The following ADGRE1 variants were observed in gnomAD, a reference collection of about 807,000 sequenced individuals.
ADGRE1 encodes EGF-like module receptor 1.
Under a neutral mutation model 102.7 loss-of-function variants are expected in ADGRE1, and 82 were observed. The observed-to-expected ratio is 0.80, with a 90% CI of 0.67 to 0.96. The LOEUF (loss-of-function observed/expected upper bound fraction) is 0.96, where lower values mean the gene tolerates loss of function less well. Ranked by LOEUF, ADGRE1 falls within the 40% of genes least tolerant of loss-of-function variation. The probability of loss-of-function intolerance (pLI) is 0.00; values close to 1 mark genes in which losing one functional copy is unlikely to be tolerated. For synonymous variants in ADGRE1, 398 were observed against 399.6 expected (o/e 1.00, Z 0.05); for missense variants, 1,032 against 1,085.3 (o/e 0.95, Z 0.69).
intron 5 of ADGRE1, chr19:6,898,315 G>T (rs1973644080): frequency 5.0e-6 from 8 of 1,597,202 alleles, no homozygotes; most frequent in Non-Finnish European, 4.3e-6. Context: ...AGATATTGAT[G>T]AATGTTCTCA....
In ADGRE1 at chr19:6,921,828, G is replaced by T. The variant is rs772827056; in HGVS notation, c.1736G>T (p.Cys579Phe). ...ILEASETYTI[C>F]SCNQMANLAV... ...GAAGCTTCTGAGACATATACCATCT[G>T]CAGCTGTAATCAGATGGCAAATCTT... is the stretch of plus-strand genomic sequence containing the variant. Residue 579 changes from cysteine (C) to phenylalanine (F), a missense_variant, in exon 14 of 21, where the codon TGC becomes TTC. By Grantham distance (205) the Cys-to-Phe change is radical. Coordinates refer to ENST00000312053, the MANE Select transcript of ADGRE1 (RefSeq NM_001974.5). 4 of 1,614,150 alleles carry T rather than the reference G, an allele frequency of 2.5e-6. No homozygotes were observed. In the African/African-American group the frequency reaches 4.0e-5, roughly 16 times the overall value.
intron 10 of ADGRE1, among the ~76,000 whole-genome samples, chr19:6,911,500 G>A (rs1974181599): frequency 1.4e-5 from 2 of 138,278 alleles, no homozygotes; most frequent in Non-Finnish European, 3.1e-5. Flanking sequence ...TGTTGTTATT[G>A]TTTTTCTTAC....
Position 6,920,564 on chromosome 19 carries a change from C to T in ADGRE1, c.1620+817C>T, listed in dbSNP as rs1974621054. Among the ~76,000 whole-genome samples, 4 of 103,016 alleles carry T rather than the reference C, an allele frequency of 3.9e-5. No homozygotes were observed. The South Asian group carries it at 1.4e-3, about 37-fold the overall frequency. The allele number at this position is 103,016 out of a possible 152,430, so 67.6% of individuals were successfully genotyped here. A position where few individuals can be genotyped will look rare whatever the true frequency, so the allele number is the denominator to read the frequency against. On this transcript the variant is annotated intron_variant, in intron 13 of 20. Coordinates refer to ENST00000312053, the MANE Select transcript of ADGRE1 (RefSeq NM_001974.5). Reference sequence around the variant, plus strand: ...TTGAGATGGAGTTTCACTCTTGTTGCCCAGGCTGGAGTTCAATGGTGCAAC... The same window carrying T: ...TTGAGATGGAGTTTCACTCTTGTTGTCCAGGCTGGAGTTCAATGGTGCAAC...
rs1446327444 is a variant in ADGRE1, at chr19:6,924,792, T to C, written c.1906T>C (p.Tyr636His). 6 of 1,614,158 alleles carry C rather than the reference T, an allele frequency of 3.7e-6. No homozygotes were observed. The South Asian group carries it at 6.6e-5, about 18-fold the overall frequency. ...TCGCTCCATCCGAAATCACAACACC[T>C]ACCTCCACCTGCACCTCTGCGTGTG... The part of the protein sequence containing the change: ...LCRSIRNHNT[Y>H]LHLHLCVCLL... The change falls in exon 15 of 21, where the codon TAC becomes CAC. Residue 636 changes from tyrosine (Y) to histidine (H), a missense_variant. Tyr to His is a moderately conservative substitution (Grantham distance 83). Coordinates refer to ENST00000312053, the MANE Select transcript of ADGRE1 (RefSeq NM_001974.5).
In ADGRE1 at chr19:6,924,812, C is replaced by A; in HGVS notation, c.1926C>A (p.Cys642Ter). ...ACACCTACCTCCACCTGCACCTCTG[C>A]GTGTGTCTCCTCTTGGCGAAGACTC... The part of the protein sequence containing the change: ...NHNTYLHLHL[C>*]VCLLLAKTLF... Residue 642 changes from cysteine (C) to a stop codon, truncating the protein, a stop_gained, in exon 15 of 21, where the codon TGC becomes TGA. Transcript: ENST00000312053. LOFTEE classifies it high-confidence loss of function. The A allele has an allele frequency of 6.2e-7, 1 of 1,614,160 alleles. No individual in the cohort carries two copies. Among genetic ancestry groups the A allele is most frequent in the South Asian group, 1.1e-5 (1 of 91,090 alleles).
chr19:6,906,411 G>A, intron 8 of ADGRE1, 22 bp from the exon 9 acceptor site: 2 of 1,593,556 alleles, frequency 1.3e-6, no homozygotes, highest in South Asian at 1.1e-5. Flanking sequence ...GTTTGGTTTG[G>A]TTGCTGTTGT....
rs1367025823 is a variant in ADGRE1 at position 6,940,330 on chromosome 19, T to G, written c.*301T>G. The G allele has an allele frequency of 2.0e-6, 1 of 504,342 alleles. No individual in the cohort carries two copies. Among genetic ancestry groups the G allele is most frequent in the Non-Finnish European group, 3.6e-6 (1 of 279,898 alleles). The allele number at this position is 504,342 out of a possible 1,614,324, so 31.2% of individuals were successfully genotyped here. ...TGACCAAGAACACCTGGCTACCATT[T>G]TGTTTTCTCCTGCCCTTGTTGGTGC... On this transcript the variant is annotated 3_prime_UTR_variant, in exon 21 of 21. Coordinates refer to ENST00000312053, the MANE Select transcript of ADGRE1 (RefSeq NM_001974.5).
intron 2 of ADGRE1, among the ~76,000 whole-genome samples, chr19:6,893,429 G>T (rs940078226): frequency 5.3e-5 from 8 of 152,118 alleles, no homozygotes; most frequent in African/African-American, 1.9e-4. Flanking sequence ...TCGAACTCCC[G>T]ATCTCAGGTG....
intron 16 of ADGRE1, among the ~76,000 whole-genome samples, chr19:6,926,929 T>G (rs1001302513): frequency 2.0e-5 from 3 of 151,956 alleles, no homozygotes; most frequent in African/African-American, 7.3e-5. Context: ...CATGGTGGTG[T>G]GCACCTGTAA....
At chr19:6,899,945 A>T (rs906464452) in intron 5 of ADGRE1, among the ~76,000 whole-genome samples, 1 of 150,608 alleles carries the variant, frequency 6.6e-6, no homozygotes, top group Non-Finnish European at 1.5e-5. Context: ...ACAAAAAAAA[A>T]TAGCTGGGCC....
intron 2 of ADGRE1, 124 bp from the exon 3 acceptor site, chr19:6,896,274 G>T (rs1047623618): frequency 6.5e-6 from 6 of 920,026 alleles, no homozygotes; most frequent in Non-Finnish European, 1.0e-5. Flanking sequence ...GGACTGTAAC[G>T]TATCTTTTGG....
chr19:6,939,879 C>T, intron 20 of ADGRE1, 145 bp from the exon 21 acceptor site: 2 of 971,860 alleles, frequency 2.1e-6, no homozygotes, highest in Non-Finnish European at 3.2e-6. Flanking sequence ...ACACTAGGGA[C>T]AATCGCATTT....
intron 11 of ADGRE1, among the ~76,000 whole-genome samples, chr19:6,914,183 G>A (rs536105117): frequency 6.6e-6 from 1 of 152,332 alleles, no homozygotes; most frequent in Admixed American, 6.5e-5. Context: ...GTGTGGTTAG[G>A]TGGGATTTGG....
intron 5 of ADGRE1, among the ~76,000 whole-genome samples, chr19:6,899,204 G>A (rs1472101817): frequency 1.3e-5 from 2 of 152,148 alleles, no homozygotes; most frequent in African/African-American, 4.8e-5. Flanking sequence ...TTCCCCAGGG[G>A]ACATTGGCAA....
chr19:6,932,245 G>A (rs1279061449), intron 17 of ADGRE1, among the ~76,000 whole-genome samples: 1 of 152,000 alleles, frequency 6.6e-6, no homozygotes, highest in Non-Finnish European at 1.5e-5. Context: ...GAGGCAGGCG[G>A]ATCACGAGGT....
chr19:6,930,982 A>G (rs749242267), intron 17 of ADGRE1, among the ~76,000 whole-genome samples: 9 of 152,056 alleles, frequency 5.9e-5, no homozygotes, highest in African/African-American at 1.9e-4. Context: ...ATTATTAACT[A>G]TAGTCACCCT....
At chr19:6,938,131 G>T (rs1215982930) in intron 20 of ADGRE1, among the ~76,000 whole-genome samples, 1 of 152,046 alleles carries the variant, frequency 6.6e-6, no homozygotes, top group African/African-American at 2.4e-5. Flanking sequence ...GAGGCCAGGA[G>T]TTCGAGACCA....
intron 2 of ADGRE1, among the ~76,000 whole-genome samples, chr19:6,894,253 C>A (rs933566998): frequency 2.6e-5 from 4 of 152,170 alleles, no homozygotes; most frequent in African/African-American, 9.7e-5. Flanking sequence ...AGGATGACAG[C>A]AGCAAGTGAG....
In ADGRE1 at chr19:6,915,941, A is replaced by AC. The variant is rs1203085781; in HGVS notation, c.1301-308_1301-307insC. Among the ~76,000 whole-genome samples the AC allele has an allele frequency of 9.2e-4, 139 of 150,788 alleles. 1 individual carries two copies. The highest frequency in any genetic ancestry group is 1.8e-3 in the Non-Finnish European group (120 of 67,682). ...GTCTCAAAAAAAAAAAAAAAAAAAA[A>AC]AAAAACTTAGAGAGAAAATCATGAC... On this transcript the variant is annotated intron_variant, in intron 11 of 20. Coordinates refer to ENST00000312053, the MANE Select transcript of ADGRE1 (RefSeq NM_001974.5).
Sources: gnomAD v4.1 joint callset for allele counts (sites outside exome capture counted in the v4.1 genomes callset) on GRCh38, gnomAD v4.1.1 for gene constraint, MANE v1.5 for transcripts, NCBI Gene and HGNC (gene_info 2026-07-23, HGNC 2026-07-21) for gene names.